UNC79: variants seen among roughly 807,000 people sequenced by gnomAD.
The protein encoded by UNC79 is unc-79 subunit of NALCN channel complex, also known as protein unc-79 homolog.
UNC79 carries 37 observed loss-of-function variants against 283.1 expected under a neutral mutation model. That is an observed-to-expected ratio of 0.13 (90% CI 0.10 to 0.17). The LOEUF is 0.17. Among genes scored for constraint, UNC79 ranks in the 10% least tolerant of loss-of-function variants. UNC79 has a pLI of 1.00. For synonymous variants in UNC79, 1,107 were observed against 1,200.2 expected, an observed-to-expected ratio of 0.92 and a Z score of 1.61; for missense variants, 2,272 against 3,211.1, an observed-to-expected ratio of 0.71 and a Z score of 7.07.
At chr14:93,362,990 A>G (rs1016971820) in intron 1 of UNC79, among the ~76,000 whole-genome samples, 1 of 151,514 alleles carries the variant, frequency 6.6e-6, no homozygotes, top group African/African-American at 2.4e-5. Context: ...TAATATGATT[A>G]TTTTCTTTTA....
intron 1 of UNC79, among the ~76,000 whole-genome samples, chr14:93,462,727 G>A (rs1232363505): frequency 6.6e-6 from 1 of 152,164 alleles, no homozygotes; most frequent in African/African-American, 2.4e-5. Context: ...AGTGAGGTAC[G>A]GCGGGGAATA....
At chr14:93,537,529 A>G (rs1421280496) in intron 11 of UNC79, among the ~76,000 whole-genome samples, 1 of 152,238 alleles carries the variant, frequency 6.6e-6, no homozygotes, top group African/African-American at 2.4e-5. Context: ...CTACTCTTTC[A>G]GGTGGATAAA....
At chr14:93,457,469 A>C (rs7142239) in intron 1 of UNC79, among the ~76,000 whole-genome samples, 2,065 of 152,338 alleles carry the variant, frequency 0.014, 58 homozygotes, top group African/African-American at 0.048. Flanking sequence ...TAGCCAGGCA[A>C]AGAAGTGTGG....
intron 1 of UNC79, among the ~76,000 whole-genome samples, chr14:93,355,252 G>A (rs2054062880): frequency 6.6e-6 from 1 of 151,878 alleles, no homozygotes; most frequent in Non-Finnish European, 1.5e-5. Context: ...GGAGTGCAGT[G>A]GCACGTTCTC....
chr14:93,516,061 TC>T (rs2060038782), intron 7 of UNC79, among the ~76,000 whole-genome samples: 1 of 152,112 alleles, frequency 6.6e-6, no homozygotes, highest in Non-Finnish European at 1.5e-5. Flanking sequence ...TTTAAGGATA[TC>T]CAGTTGTTTC....
chr14:93,698,764 A>G lies in UNC79; in HGVS notation c.7548+4352A>G, dbSNP rs533916023. ...GCCTCCCAAAGTGCTGGGATGACAG[A>G]CATAAGCCACCGTGCTCAGGCTGAA... is the stretch of plus-strand genomic sequence containing the variant. On this transcript the variant is annotated intron_variant, in intron 47 of 48. Transcript: ENST00000555664. Among the ~76,000 whole-genome samples the G allele has an allele frequency of 2.3e-4, 35 of 152,212 alleles. No individual in the cohort carries two copies. The South Asian group carries it at 7.3e-3, about 32-fold the overall frequency.
At chr14:93,571,984 A>T in exon 15 of UNC79, 1 of 1,614,212 alleles carries the variant, frequency 6.2e-7, no homozygotes, top group Non-Finnish European at 8.5e-7. Flanking sequence ...CTATAATGTG[A>T]TCAATCAATC....
intron 11 of UNC79, among the ~76,000 whole-genome samples, chr14:93,534,073 T>C (rs139962498): frequency 6.6e-4 from 100 of 152,310 alleles, no homozygotes; most frequent in African/African-American, 2.0e-3. Flanking sequence ...GACAGGATCA[T>C]AGCAATAAGC....
At chr14:93,346,930 G>A (rs577373948) in intron 1 of UNC79, among the ~76,000 whole-genome samples, 118 of 152,032 alleles carry the variant, frequency 7.8e-4, no homozygotes, top group African/African-American at 2.5e-3. Context: ...AAAAGGCGGG[G>A]CAGAGCAGGG....
At chr14:93,476,625 A>T (rs2057814516) in intron 3 of UNC79, among the ~76,000 whole-genome samples, 1 of 152,190 alleles carries the variant, frequency 6.6e-6, no homozygotes, top group African/African-American at 2.4e-5. Context: ...CTGCTGCAAA[A>T]CAAAGAAGAG....
intron 1 of UNC79, among the ~76,000 whole-genome samples, chr14:93,442,843 C>T (rs2056346266): frequency 6.6e-6 from 1 of 152,134 alleles, no homozygotes; most frequent in East Asian, 1.9e-4. Context: ...AATCTCAGCA[C>T]TTTGGGAGGC....
At chr14:93,461,491 C>A (rs1025129560) in intron 1 of UNC79, among the ~76,000 whole-genome samples, 16 of 152,090 alleles carry the variant, frequency 1.1e-4, no homozygotes, top group African/African-American at 3.9e-4. Context: ...TATGCACAGA[C>A]CTCTTTTGTT....
At chr14:93,588,133 A>T (rs2064349013) in intron 22 of UNC79, among the ~76,000 whole-genome samples, 1 of 152,188 alleles carries the variant, frequency 6.6e-6, no homozygotes, top group African/African-American at 2.4e-5. Flanking sequence ...GTAATGGAAA[A>T]TGAGGCTGGA....
At chr14:93,695,890 C>CAAAAAAAAAAAAAAAAAAAAAAAAAAA (rs535235954) in intron 47 of UNC79, among the ~76,000 whole-genome samples, 21 of 39,422 alleles carry the variant, frequency 5.3e-4, no homozygotes, top group East Asian at 1.4e-3. Flanking sequence ...GACTTTGTCT[C>CAAAAAAAAAAAAAAAAAAAAAAAAAAA]AAAAAAAAAA....
At chr14:93,662,779 A>G (rs1025466131) in intron 40 of UNC79, 65 bp downstream of exon 43, 4 of 1,302,030 alleles carry the variant, frequency 3.1e-6, no homozygotes, top group African/African-American at 2.9e-5. Flanking sequence ...ATTCTTTTGA[A>G]TCAGTGTCAA....
At chr14:93,682,543 G>A in intron 41 of UNC79, 74 bp from the exon 45 acceptor site, 2 of 1,318,044 alleles carry the variant, frequency 1.5e-6, no homozygotes, top group South Asian at 2.5e-5. Context: ...TTTAAGCCAA[G>A]TTAATAAAAT....
chr14:93,695,868 G>A (rs1174396527), intron 47 of UNC79, among the ~76,000 whole-genome samples: 1 of 84,684 alleles, frequency 1.2e-5, no homozygotes, highest in Admixed American at 1.6e-4. Flanking sequence ...TCCAGCCTGG[G>A]CAACAGGATG....
At chr14:93,655,204 A>C in intron 37 of UNC79, 30 bp from the exon 41 acceptor site, 3 of 1,608,252 alleles carry the variant, frequency 1.9e-6, no homozygotes, top group Non-Finnish European at 2.5e-6. Flanking sequence ...CTGTTTCAGC[A>C]GTTGATGGCC....
At position 93,684,241 on chromosome 14, in the gene UNC79, T is replaced by C. The variant is rs550151453; in HGVS notation, c.6819+1547T>C. On this transcript the variant is annotated intron_variant, in intron 42 of 48. Coordinates refer to ENST00000555664, the Ensembl canonical transcript of UNC79. ...AGATCCACCTCAATGATTAGACTTA[T>C]TGATGGTAAAATGAAACAAGCATTC... is the stretch of plus-strand genomic sequence containing the variant. 1.2e-4 allele frequency among the ~76,000 whole-genome samples: 19 copies of C among 152,308 alleles called. 1 individual carries two copies. The South Asian group carries it at 3.9e-3, about 32-fold the overall frequency.
Sources: allele counts gnomAD v4.1 joint callset (sites outside exome capture counted in the v4.1 genomes callset), GRCh38; gene constraint gnomAD v4.1.1; transcripts MANE v1.5; gene names NCBI Gene and HGNC (gene_info 2026-07-23, HGNC 2026-07-21).